LLGL1: variants seen among roughly 807,000 people sequenced by gnomAD.
The protein encoded by LLGL1 is lethal(2) giant larvae protein homolog 1.
In LLGL1, 58 loss-of-function variants were observed where a neutral mutation model predicts 110.6. The observed-to-expected ratio is 0.52, with a 90% CI of 0.42 to 0.65. The LOEUF (loss-of-function observed/expected upper bound fraction) is 0.65. Among genes scored for constraint, LLGL1 ranks in the 30% least tolerant of loss-of-function variants. The pLI, the probability that LLGL1 is intolerant of heterozygous loss-of-function variation, is 0.00. For synonymous variants in LLGL1, 674 were observed against 607.2 expected, an observed-to-expected ratio of 1.11 and a Z score of -1.62; for missense variants, 1,229 against 1,462.1, an observed-to-expected ratio of 0.84 and a Z score of 2.60.
intron 4 of LLGL1, among the ~76,000 whole-genome samples, chr17:18,233,292 A>C (rs1267935049): frequency 6.6e-6 from 1 of 152,048 alleles, no homozygotes; most frequent in Non-Finnish European, 1.5e-5. Context: ...CAGCTGAGTG[A>C]GAGTGTGGGG....
At chr17:18,230,543 G>A (rs2047544260) in intron 2 of LLGL1, among the ~76,000 whole-genome samples, 1 of 151,256 alleles carries the variant, frequency 6.6e-6, no homozygotes, top group African/African-American at 2.4e-5. Flanking sequence ...ACAATGGGCT[G>A]TGTGAGCCAC....
chr17:18,232,826 C>T, intron 4 of LLGL1, 24 bp downstream of exon 4: 1 of 1,613,384 alleles, frequency 6.2e-7, no homozygotes, highest in South Asian at 1.1e-5. Flanking sequence ...TGGCTGGGGC[C>T]AGCCACCGGG....
intron 1 of LLGL1, among the ~76,000 whole-genome samples, chr17:18,228,594 G>A (rs1348499487): frequency 6.6e-6 from 1 of 152,080 alleles, no homozygotes; most frequent in African/African-American, 2.4e-5. Flanking sequence ...GGGTATGAGG[G>A]AAGCAGATGC....
At position 18,232,532 on chromosome 17, in the gene LLGL1, C is replaced by G; in HGVS notation, c.217C>G (p.Arg73Gly). ...APGVEFTGLH[R>G]DAATVTQMHF... ...TGGCGTGGAGTTCACAGGCCTGCACCGGGATGCAGCCACTGTCACACAGAT... is the reference window on the plus strand; with the variant it reads ...TGGCGTGGAGTTCACAGGCCTGCACGGGGATGCAGCCACTGTCACACAGAT... The change falls in exon 3 of 23, where the codon CGG (arginine) becomes GGG (glycine). Residue 73 changes from arginine to glycine, a missense_variant. Physicochemically the swap from Arg to Gly is moderately radical, Grantham distance 125. Coordinates refer to ENST00000316843, the MANE Select transcript of LLGL1 (RefSeq NM_004140.4). 1 of 1,614,044 alleles carries G rather than the reference C, an allele frequency of 6.2e-7. No individual in the cohort carries two copies. Among genetic ancestry groups the G allele is most frequent in the Non-Finnish European group, 8.5e-7 (1 of 1,179,958 alleles).
At chr17:18,237,202 T>TA in intron 13 of LLGL1, 1 of 594,062 alleles carries the variant, frequency 1.7e-6, no homozygotes, top group South Asian at 2.0e-5. Flanking sequence ...AATGTGTCCT[T>TA]ATTGCTAAAT....
chr17:18,225,770 C>T lies in LLGL1; in HGVS notation c.81+7C>T. 1.1e-6 allele frequency: 1 copy of T among 908,178 alleles called. No homozygotes were observed. The highest frequency in any genetic ancestry group is 1.3e-6 in the Non-Finnish European group (1 of 754,670). The allele number at this position is 908,178 out of a possible 1,614,324, so 56.3% of individuals were successfully genotyped here. On this transcript the variant is annotated splice_region_variant and intron_variant, in intron 1 of 22. Coordinates refer to ENST00000316843, the MANE Select transcript of LLGL1 (RefSeq NM_004140.4). ...GCTTTTCGCCTTCAACAAGGTGCGG[C>T]GGCGGCCCGGGCCCGGGCTCGGGCG...
At chr17:18,236,398 A>G (rs555202923) in intron 11 of LLGL1, 2 of 565,168 alleles carry the variant, frequency 3.5e-6, no homozygotes, top group East Asian at 2.9e-5. Flanking sequence ...CTCCAGGTGC[A>G]TATGGTGCAT....
intron 1 of LLGL1, among the ~76,000 whole-genome samples, 156 bp from the exon 2 acceptor site, chr17:18,229,785 A>T (rs1220664059): frequency 6.6e-6 from 1 of 152,160 alleles, no homozygotes; most frequent in Non-Finnish European, 1.5e-5. Flanking sequence ...CCCATTTCAC[A>T]GTTGAGGACG....
chr17:18,243,697 C>G (rs913683798), intron 22 of LLGL1, among the ~76,000 whole-genome samples: 1 of 152,212 alleles, frequency 6.6e-6, no homozygotes, highest in African/African-American at 2.4e-5. Flanking sequence ...TGTCTGGTGC[C>G]TCTCCCTGGC....
chr17:18,230,287 C>A (rs1288304674), intron 2 of LLGL1, among the ~76,000 whole-genome samples: 2 of 152,304 alleles, frequency 1.3e-5, no homozygotes, highest in African/African-American at 4.8e-5. Context: ...ACAGCTGTCC[C>A]TTGCTACGTG....
rs2047738720 is a variant in LLGL1, at chr17:18,238,166, CAA to C, written c.2005_2006del (p.Lys669GlufsTer11). 1 of 1,613,148 alleles carries C rather than the reference CAA, an allele frequency of 6.2e-7. No individual in the cohort carries two copies. On this transcript the variant is annotated frameshift_variant, in exon 15 of 23. Transcript: ENST00000316843. LOFTEE classifies it high-confidence loss of function. Reference sequence around the variant, plus strand: ...TGCGCCAGTCTTTCCGGCGCATTCGCAAGAGTCGTGTCTCTGGCAAGAAGCGG... The same window carrying C: ...TGCGCCAGTCTTTCCGGCGCATTCGCGAGTCGTGTCTCTGGCAAGAAGCGG... ...SLRQSFRRIR[K>X]SRVSGKKRAA...
intron 16 of LLGL1, among the ~76,000 whole-genome samples, chr17:18,239,868 T>C (rs1206298052): frequency 6.6e-6 from 1 of 152,122 alleles, no homozygotes; most frequent in Admixed American, 6.6e-5. Context: ...CTGGGGTTCC[T>C]GTTGGGCATG....
At position 18,242,187 on chromosome 17, in the gene LLGL1, C is replaced by A. The variant is rs376479554; in HGVS notation, c.2904C>A (p.Pro968=). The A allele has an allele frequency of 3.7e-6, 6 of 1,614,032 alleles. No individual in the cohort carries two copies. The highest frequency in any genetic ancestry group is 5.1e-6 in the Non-Finnish European group (6 of 1,179,936). ...GCAGTTACAGGATCCGAGAGTCACC[C>A]AAGCTGAGCCAGGCTAACGGGACCC... ...TQASYRIRES[P]KLSQANGTPS... The change falls in exon 20 of 23, where the codon CCC becomes CCA. Residue 968 remains proline, a synonymous_variant. Transcript: ENST00000316843.
At chr17:18,235,579 T>C (rs775204796) in intron 11 of LLGL1, 42 bp downstream of exon 11, 4 of 1,593,292 alleles carry the variant, frequency 2.5e-6, no homozygotes, top group Non-Finnish European at 2.6e-6. Flanking sequence ...CCCCTTGCTG[T>C]TGGGGGAGAG....
intron 11 of LLGL1, 200 bp downstream of exon 11, chr17:18,235,737 C>T: frequency 1.7e-6 from 1 of 593,604 alleles, no homozygotes; most frequent in Non-Finnish European, 3.0e-6. Context: ...TGCCTTTTGG[C>T]CTGGAACTGA....
In LLGL1 at chr17:18,234,263, C is replaced by G. The variant is rs1432613686; in HGVS notation, c.715-10C>G. The G allele has an allele frequency of 2.5e-6, 4 of 1,597,936 alleles. No individual in the cohort carries two copies. In the African/African-American group the frequency reaches 5.4e-5, roughly 21 times the overall value. On this transcript the variant is annotated splice_polypyrimidine_tract_variant and intron_variant, in intron 6 of 22. Transcript: ENST00000316843. ...TGCCTGCCTGCCTGCCTGCCCCTGC[C>G]TGCCCGCAGCAGCTGGAGAGCCTAT...
Position 18,240,914 on chromosome 17 carries a change from C to A in LLGL1, c.2502+41C>A. 6.8e-7 allele frequency: 1 copy of A among 1,475,524 alleles called. No individual in the cohort carries two copies. Among genetic ancestry groups the A allele is most frequent in the South Asian group, 1.4e-5 (1 of 73,208 alleles). The allele number at this position is 1,475,524 out of a possible 1,614,324, so 91.4% of individuals were successfully genotyped here. ...CTGTGGGGGACTCTGGGGGACTCCC[C>A]TCCAGGCCCCAACCTCATGGACACC... On this transcript the variant is annotated intron_variant, in intron 17 of 22. Coordinates refer to ENST00000316843, the MANE Select transcript of LLGL1 (RefSeq NM_004140.4). This position sits in a 1 kb window ranked among gnomAD's most constrained non-coding sequence, Gnocchi z 5.3.
In LLGL1 at chr17:18,225,654, CGGGCGAGGCGCCTGCAG is replaced by C; in HGVS notation, c.-28_-12del. 1 of 973,266 alleles carries C rather than the reference CGGGCGAGGCGCCTGCAG, an allele frequency of 1.0e-6. No homozygotes were observed. The highest frequency in any genetic ancestry group is 4.5e-5 in the South Asian group (1 of 22,314). The allele number at this position is 973,266 out of a possible 1,614,324, so 60.3% of individuals were successfully genotyped here. On this transcript the variant is annotated 5_prime_UTR_variant, in exon 1 of 23. Coordinates refer to ENST00000316843, the MANE Select transcript of LLGL1 (RefSeq NM_004140.4). The stretch of plus-strand genomic sequence containing the variant: ...CGGCGCATCCTGCGGGCGGCGGCGG[CGGGCGAGGCGCCTGCAG>C]CCGGGCGCAAGATGATGAAGTTTCG...
Position 18,235,007 on chromosome 17 carries a change from C to G in LLGL1, c.1060+14C>G. ...GGCCCGAGGATGGTGCGTGCCCTGC[C>G]GTACCCTACCCTTTCCCAGCCCCAC... On this transcript the variant is annotated intron_variant, in intron 9 of 22. Coordinates refer to ENST00000316843, the MANE Select transcript of LLGL1 (RefSeq NM_004140.4). 1 of 1,613,964 alleles carries G rather than the reference C, an allele frequency of 6.2e-7. No individual in the cohort carries two copies. The highest frequency in any genetic ancestry group is 8.5e-7 in the Non-Finnish European group (1 of 1,179,992).
Sources: allele counts gnomAD v4.1 joint callset (sites outside exome capture counted in the v4.1 genomes callset), GRCh38; gene constraint gnomAD v4.1.1; non-coding constraint Gnocchi (gnomAD v3.1); transcripts MANE v1.5; gene names NCBI Gene and HGNC (gene_info 2026-07-23, HGNC 2026-07-21).